NTRK1: variants seen among roughly 807,000 people sequenced by gnomAD.
NTRK1 encodes neurotrophic receptor tyrosine kinase 1.
A neutral mutation model predicts 86.8 loss-of-function variants in NTRK1; 62 were observed. That is an observed-to-expected ratio of 0.71 (90% CI 0.58 to 0.88). The LOEUF is 0.88. Among genes scored for constraint, NTRK1 ranks in the 40% least tolerant of loss-of-function variants. The pLI, the probability that NTRK1 is intolerant of heterozygous loss-of-function variation, is 0.00. For synonymous variants in NTRK1, 469 were observed against 456.6 expected, an observed-to-expected ratio of 1.03 and a Z score of -0.35; for missense variants, 967 against 1,078.4, an observed-to-expected ratio of 0.90 and a Z score of 1.45.
At position 156,850,531 on chromosome 1, in the gene NTRK1, ATTCTTTTTTTTTTTTTT is replaced by A. The variant is rs1655169688; in HGVS notation, c.50+8341_50+8357del. On this transcript the variant is annotated intron_variant, in intron 2 of 16. Coordinates refer to the NTRK1 transcript ENST00000392302. ...CCCGACCTGGATGGTAATTTAAAAC[ATTCTTTTTTTTTTTTTT>A]TTTTTTTTTTTTTTTTTGAGATGGA... is the stretch of plus-strand genomic sequence containing the variant. 1.2e-4 allele frequency among the ~76,000 whole-genome samples: 12 copies of A among 97,018 alleles called. 1 individual carries two copies. Among genetic ancestry groups the A allele is most frequent in the African/African-American group, 1.9e-4 (5 of 25,872 alleles). 63.6% of individuals were successfully genotyped at this position (97,018 alleles called of 152,430 possible).
At chr1:156,816,104 CAA>C in intron 1 of NTRK1, 2 of 1,609,730 alleles carry the variant, frequency 1.2e-6, no homozygotes, top group Non-Finnish European at 1.7e-6. Flanking sequence ...CCTGTGAGCA[CAA>C]AGAGGGCTGC....
Position 156,854,068 on chromosome 1 carries a change from C to T in NTRK1, c.51-10286C>T, listed in dbSNP as rs377729626. On this transcript the variant is annotated intron_variant, in intron 2 of 16. Coordinates refer to the NTRK1 transcript ENST00000392302. The surrounding 1 kb of genome is among the most constrained non-coding windows in gnomAD (Gnocchi z 4.2). ...CCAGTGCATAGCCCAGGAAGAGGCG[C>T]GTCCCGCGGATGACTGCTAGGTTGG... 5.1e-5 allele frequency: 83 copies of T among 1,614,070 alleles called. 1 individual carries two copies. In the African/African-American group the frequency reaches 8.7e-4, roughly 17 times the overall value.
In NTRK1 at chr1:156,842,014, C is replaced by G. The variant is rs79020702; in HGVS notation, c.-63-67C>G. 1,415 of 1,585,664 alleles carry G rather than the reference C, an allele frequency of 8.9e-4. 10 individuals carry two copies. The African/African-American group carries it at 0.017, about 20-fold the overall frequency. ...TGGGGGTGACTTGCCAAGGGTCTCA[C>G]AGGCTGTCAGGACCAGGGCTGTGGG... On this transcript the variant is annotated intron_variant, in intron 1 of 16. Coordinates refer to the NTRK1 transcript ENST00000392302.
At chr1:156,861,177 G>A (rs766217652) in intron 1 of NTRK1, 31 bp downstream of exon 1, 27 of 1,536,324 alleles carry the variant, frequency 1.8e-5, no homozygotes, top group South Asian at 3.6e-5. Context: ...GGGGGGGCGC[G>A]GGGACAGGCA....
chr1:156,860,756 G>A (rs894991196), upstream of NTRK1: 82 of 1,198,712 alleles, frequency 6.8e-5, no homozygotes, highest in African/African-American at 1.3e-3. Flanking sequence ...GGGCGTCAGA[G>A]AGTAGGAAGC....
chr1:156,833,351 G>A (rs1321699422), intron 1 of NTRK1, among the ~76,000 whole-genome samples: 1 of 152,184 alleles, frequency 6.6e-6, no homozygotes, highest in African/African-American at 2.4e-5. Context: ...GAGGTCAGGA[G>A]TTCGAGACCA....
At chr1:156,843,219 C>A (rs1654864404) in intron 2 of NTRK1, 1 of 1,613,980 alleles carries the variant, frequency 6.2e-7, no homozygotes, top group Non-Finnish European at 8.5e-7. Context: ...ACCTCCCATT[C>A]ATCAGGGACA....
intron 2 of NTRK1, chr1:156,846,164 C>T (rs374332769): frequency 5.1e-5 from 78 of 1,524,340 alleles, no homozygotes; most frequent in Non-Finnish European, 6.3e-5. Flanking sequence ...GGGTCTTCCT[C>T]CTGAATACTA....
Position 156,841,673 on chromosome 1 carries a change from C to G in NTRK1, c.-63-408C>G, listed in dbSNP as rs761696263. On this transcript the variant is annotated intron_variant, in intron 1 of 16. Transcript: ENST00000392302. The stretch of plus-strand genomic sequence containing the variant: ...CTCCAGCTCGGCCCCACCAGACATC[C>G]GAGTGGGTGGTGAAGATCCCATCTT... The G allele has an allele frequency of 5.0e-6, 8 of 1,613,968 alleles. No homozygotes were observed. In the South Asian group the frequency reaches 7.7e-5, roughly 16 times the overall value.
chr1:156,816,920 C>A (rs549875196), intron 1 of NTRK1: 69 of 425,642 alleles, frequency 1.6e-4, no homozygotes, highest in Non-Finnish European at 2.5e-4. Flanking sequence ...CTGTAGATAG[C>A]GGTGGTATAG....
intron 2 of NTRK1, chr1:156,853,867 C>T (rs1655316494): frequency 6.2e-7 from 1 of 1,614,000 alleles, no homozygotes; most frequent in African/African-American, 1.3e-5. Flanking sequence ...CAGCACACTC[C>T]TCGCCCAGCT....
chr1:156,854,051 T>C lies in NTRK1; in HGVS notation c.51-10303T>C. On this transcript the variant is annotated intron_variant, in intron 2 of 16. Coordinates refer to the NTRK1 transcript ENST00000392302. The surrounding 1 kb of genome is among the most constrained non-coding windows in gnomAD (Gnocchi z 4.2). ...TGGCATCTCAAAGATGACCAGTGCA[T>C]AGCCCAGGAAGAGGCGCGTCCCGCG... 6.2e-7 allele frequency: 1 copy of C among 1,614,100 alleles called. No homozygotes were observed.
At position 156,879,230 on chromosome 1, in the gene NTRK1, G is replaced by A. The variant is rs1558108141; in HGVS notation, c.1914G>A (p.Met638Ile). ...TGGCTAGCCAGGTCGCTGCGGGGAT[G>A]GTGTACCTGGCGGGTCTGCATTTTG... ...LAVASQVAAG[M>I]VYLAGLHFVH... The change falls in exon 15 of 17, where the codon ATG becomes ATA. Residue 638 changes from methionine (M) to isoleucine (I), a missense_variant. Physicochemically the swap from Met to Ile is conservative, Grantham distance 10 (BLOSUM62 1). Around this residue, in one of 2 missense-constraint regions of NTRK1, gnomAD observed 637 missense variants for 776.5 expected, o/e 0.82. Coordinates refer to ENST00000524377, the MANE Select transcript of NTRK1 (RefSeq NM_002529.4). The A allele has an allele frequency of 6.2e-7, 1 of 1,614,114 alleles. No individual in the cohort carries two copies. The highest frequency in any genetic ancestry group is 8.5e-7 in the Non-Finnish European group (1 of 1,180,020).
chr1:156,847,363 G>A (rs1202366806), intron 2 of NTRK1, among the ~76,000 whole-genome samples: 1 of 152,226 alleles, frequency 6.6e-6, no homozygotes, highest in African/African-American at 2.4e-5. Context: ...CTGCCTGAAG[G>A]CCAGTTTCGG....
At chr1:156,827,347 C>T (rs1654346548) in intron 1 of NTRK1, among the ~76,000 whole-genome samples, 1 of 152,014 alleles carries the variant, frequency 6.6e-6, no homozygotes, top group South Asian at 2.1e-4. Flanking sequence ...CTGTAACCTC[C>T]ACCTCCCAGG....
intron 11 of NTRK1, among the ~76,000 whole-genome samples, chr1:156,875,301 G>A (rs1161050141): frequency 6.6e-6 from 1 of 152,004 alleles, no homozygotes; most frequent in African/African-American, 2.4e-5. Context: ...TGGGGGTGGA[G>A]GGGGAGTTCT....
intron 1 of NTRK1, among the ~76,000 whole-genome samples, chr1:156,821,613 A>G (rs1258966650): frequency 6.6e-6 from 1 of 152,168 alleles, no homozygotes; most frequent in East Asian, 1.9e-4. Flanking sequence ...CAGAGTGGTG[A>G]GGAAAGGAGA....
intron 2 of NTRK1, chr1:156,852,175 AT>A (rs1234470165): frequency 6.2e-7 from 1 of 1,601,846 alleles, no homozygotes; most frequent in Non-Finnish European, 8.5e-7. Context: ...AAGCCATCCC[AT>A]GGGGGCAGGG....
At chr1:156,844,197 C>G in intron 2 of NTRK1, 7 of 1,613,822 alleles carry the variant, frequency 4.3e-6, no homozygotes, top group Non-Finnish European at 5.1e-6. Context: ...TAGAAGAAAC[C>G]AAGGGCAGCA....
Sources: gnomAD v4.1 joint callset for allele counts (sites outside exome capture counted in the v4.1 genomes callset) on GRCh38, gnomAD v4.1.1 for gene constraint, gnomAD v4.1.1 regional missense constraint, Gnocchi (gnomAD v3.1) non-coding constraint, MANE v1.5 for transcripts, NCBI Gene and HGNC (gene_info 2026-07-23, HGNC 2026-07-21) for gene names.